RBSN: variants seen among roughly 807,000 people sequenced by gnomAD.
RBSN encodes rabenosyn-5.
Under a neutral mutation model 60.5 loss-of-function variants are expected in RBSN, and 34 were observed. The ratio of observed to expected loss-of-function variants is 0.56; its 90% CI spans 0.43 to 0.75. RBSN has a LOEUF of 0.75. Ranked by LOEUF, RBSN falls within the 30% of genes least tolerant of loss-of-function variation. The pLI is 0.00. For synonymous variants in RBSN, 322 were observed against 366.9 expected (o/e 0.88, Z 1.40); for missense variants, 845 against 986.8 (o/e 0.86, Z 1.92).
In RBSN at chr3:15,073,492, T is replaced by G. The variant is rs1476661695; in HGVS notation, c.*290A>C. On this transcript the variant is annotated 3_prime_UTR_variant, in exon 14 of 14. Transcript: ENST00000253699. ...TTTAGTTATATCTCGGTAGTAAAAA[T>G]GTAAAGTCCCTTCAAAAGGGGTAAA... 2.8e-6 allele frequency: 1 copy of G among 360,272 alleles called. No individual in the cohort carries two copies. The highest frequency in any genetic ancestry group is 5.3e-5 in the East Asian group (1 of 18,944). 22.3% of individuals were successfully genotyped at this position (360,272 alleles called of 1,614,324 possible).
chr3:15,090,597 A>C, intron 4 of RBSN, 58 bp from the exon 5 acceptor site: 1 of 1,558,620 alleles, frequency 6.4e-7, no homozygotes, highest in Non-Finnish European at 8.7e-7. Context: ...GTAAACAGTC[A>C]AAAGAAATCT....
chr3:15,081,990 C>T (rs1387384004), intron 9 of RBSN, among the ~76,000 whole-genome samples: 1 of 152,198 alleles, frequency 6.6e-6, no homozygotes, highest in Non-Finnish European at 1.5e-5. Flanking sequence ...GTCTAACACT[C>T]CCAAGTGAGT....
intron 4 of RBSN, 187 bp downstream of exon 4, chr3:15,095,786 T>C (rs2043639518): frequency 1.4e-6 from 1 of 716,872 alleles, no homozygotes; most frequent in Non-Finnish European, 2.3e-6. Context: ...CACACAGTTA[T>C]TGTGAGGATT....
chr3:15,088,815 T>C (rs1457242569), intron 5 of RBSN, among the ~76,000 whole-genome samples: 1 of 152,262 alleles, frequency 6.6e-6, no homozygotes, highest in Non-Finnish European at 1.5e-5. Flanking sequence ...AAGTGACTTT[T>C]AATTTTATTT....
rs1025600663 is a variant in RBSN at position 15,084,320 on chromosome 3, G to A, written c.598+415C>T. Reference sequence around the variant, plus strand: ...TTTTATAGAGACAGGGTTTCAACATGTTGGCCACGCTGGTCTCAAACTCCT... The same window carrying A: ...TTTTATAGAGACAGGGTTTCAACATATTGGCCACGCTGGTCTCAAACTCCT... On this transcript the variant is annotated intron_variant, in intron 8 of 13. Coordinates refer to ENST00000253699, the MANE Select transcript of RBSN (RefSeq NM_022340.4). The surrounding 1 kb of genome is among the most constrained non-coding windows in gnomAD (Gnocchi z 4.2). Among the ~76,000 whole-genome samples, 1 of 152,122 alleles carries A rather than the reference G, an allele frequency of 6.6e-6. No individual in the cohort carries two copies. The highest frequency in any genetic ancestry group is 2.4e-5 in the African/African-American group (1 of 41,416).
At chr3:15,092,949 A>G (rs1051185109) in intron 4 of RBSN, among the ~76,000 whole-genome samples, 2 of 152,198 alleles carry the variant, frequency 1.3e-5, no homozygotes, top group African/African-American at 4.8e-5. Context: ...ATAATCCCAT[A>G]TATTTTAAAA....
chr3:15,085,990 T>C (rs1219174088), intron 5 of RBSN, 29 bp from the exon 6 acceptor site: 1 of 1,562,172 alleles, frequency 6.4e-7, no homozygotes, highest in Admixed American at 1.7e-5. Flanking sequence ...GGGAGACAAA[T>C]GACTTATAGT....
At chr3:15,086,554 T>C (rs969003579) in intron 5 of RBSN, among the ~76,000 whole-genome samples, 8 of 152,232 alleles carry the variant, frequency 5.3e-5, no homozygotes, top group Admixed American at 1.3e-4. Context: ...GGAATAATAA[T>C]GGTATCTACT....
At chr3:15,083,975 T>C (rs189658405) in intron 8 of RBSN, among the ~76,000 whole-genome samples, 4 of 152,348 alleles carry the variant, frequency 2.6e-5, no homozygotes, top group Admixed American at 2.0e-4. Flanking sequence ...TGATAGATGC[T>C]AGACTCCTTG....
chr3:15,094,319 C>A (rs1214446472), intron 4 of RBSN, among the ~76,000 whole-genome samples: 1 of 152,120 alleles, frequency 6.6e-6, no homozygotes, highest in African/African-American at 2.4e-5. Context: ...GCTTCATTTC[C>A]CCCAGGAAGC....
chr3:15,076,381 G>A (rs982881595), intron 12 of RBSN, among the ~76,000 whole-genome samples: 3 of 152,048 alleles, frequency 2.0e-5, no homozygotes, highest in African/African-American at 7.2e-5. Flanking sequence ...TGGGCAGACT[G>A]CTTGAGCTCA....
At chr3:15,092,934 T>G (rs2043554999) in intron 4 of RBSN, among the ~76,000 whole-genome samples, 1 of 152,170 alleles carries the variant, frequency 6.6e-6, no homozygotes, top group Non-Finnish European at 1.5e-5. Context: ...GAAGGCCAAT[T>G]AAAAATAATC....
At chr3:15,089,590 A>T (rs1386361856) in intron 5 of RBSN, among the ~76,000 whole-genome samples, 1 of 149,476 alleles carries the variant, frequency 6.7e-6, no homozygotes, top group Non-Finnish European at 1.5e-5. Flanking sequence ...AAGCAAATTC[A>T]GTGGTTTTTA....
intron 4 of RBSN, among the ~76,000 whole-genome samples, chr3:15,095,301 G>A (rs1180727848): frequency 1.3e-5 from 2 of 150,406 alleles, no homozygotes; most frequent in African/African-American, 4.9e-5. Flanking sequence ...TGCGAATAGA[G>A]GCGTGAGCCA....
At chr3:15,089,456 C>CAAAAAAAAA (rs757156425) in intron 5 of RBSN, among the ~76,000 whole-genome samples, 11 of 31,440 alleles carry the variant, frequency 3.5e-4, no homozygotes, top group African/African-American at 4.1e-4. Flanking sequence ...ACTCCATCTC[C>CAAAAAAAAA]AAAAAAAAAA....
Position 15,074,232 on chromosome 3 carries a change from G to A in RBSN, c.1905C>T (p.Ser635=), listed in dbSNP as rs949908294. The change falls in exon 14 of 14, where the codon AGC becomes AGT. Residue 635 remains serine (S), a synonymous_variant. Coordinates refer to ENST00000253699, the MANE Select transcript of RBSN (RefSeq NM_022340.4). This position sits in a 1 kb window ranked among gnomAD's most constrained non-coding sequence, Gnocchi z 6.4. The stretch of plus-strand genomic sequence containing the variant: ...GACCAGTAGTGGCCTCTTCCATGGG[G>A]CTGGAGAGGTCTTCCTCATCAAAGG... ...LNPFDEEDLS[S]PMEEATTGPP... is the part of the protein sequence containing the mutation. 4.3e-6 allele frequency: 7 copies of A among 1,609,470 alleles called. No individual in the cohort carries two copies. The highest frequency in any genetic ancestry group is 5.9e-6 in the Non-Finnish European group (7 of 1,177,590).
chr3:15,092,756 G>A (rs1365415581), intron 4 of RBSN, among the ~76,000 whole-genome samples: 2 of 152,176 alleles, frequency 1.3e-5, no homozygotes, highest in African/African-American at 4.8e-5. Context: ...ACTGCCTGAT[G>A]TGAACAAAGG....
chr3:15,088,549 T>G (rs2043408439), intron 5 of RBSN, among the ~76,000 whole-genome samples: 1 of 151,980 alleles, frequency 6.6e-6, no homozygotes, highest in South Asian at 2.1e-4. Context: ...CTGGCTAATT[T>G]TTTTGTATTT....
intron 9 of RBSN, 137 bp from the exon 10 acceptor site, chr3:15,080,939 T>C (rs2043190172): frequency 1.4e-6 from 1 of 697,020 alleles, no homozygotes; most frequent in Non-Finnish European, 2.4e-6. Context: ...AATTTCCTGA[T>C]TTATAGGCAT....
Sources: allele counts gnomAD v4.1 joint callset (sites outside exome capture counted in the v4.1 genomes callset), GRCh38; gene constraint gnomAD v4.1.1; non-coding constraint Gnocchi (gnomAD v3.1); transcripts MANE v1.5; gene names NCBI Gene and HGNC (gene_info 2026-07-23, HGNC 2026-07-21).